Variants in NRIP2 observed in about 807,000 individuals in gnomAD.
NRIP2 encodes nuclear receptor-interacting protein 2.
Under a neutral mutation model 34.1 loss-of-function variants are expected in NRIP2, and 27 were observed. The ratio of observed to expected loss-of-function variants is 0.79; its 90% confidence interval spans 0.58 to 1.09. The LOEUF (loss-of-function observed/expected upper bound fraction) is 1.09, where lower values mean the gene tolerates loss of function less well. Ranked by LOEUF, NRIP2 falls within the 50% of genes least tolerant of loss-of-function variation. The pLI is 0.00. For missense variants in NRIP2, 385 were observed against 352.6 expected (o/e 1.09, Z -0.74); for synonymous variants, 145 against 146.9 (o/e 0.99, Z 0.09).
chr12:2,826,312 T>C lies in NRIP2; in HGVS notation c.*895A>G, dbSNP rs1006752679. On this transcript the variant is annotated 3_prime_UTR_variant, in exon 6 of 6. Coordinates refer to ENST00000337508, the MANE Select transcript of NRIP2 (RefSeq NM_031474.3). Reference sequence around the variant, plus strand: ...AAGCTTAAGCTCAAGAGGCCAGAGATGGGGATAGGAAGAAGGCCTAATGAG... The same window carrying C: ...AAGCTTAAGCTCAAGAGGCCAGAGACGGGGATAGGAAGAAGGCCTAATGAG... 3 of 151,298 alleles carry C rather than the reference T, an allele frequency of 2.0e-5. No individual in the cohort carries two copies. The highest frequency in any genetic ancestry group is 2.9e-5 in the Non-Finnish European group (2 of 67,926). The allele number at this position is 151,298 out of a possible 1,614,324, so 9.4% of individuals were successfully genotyped here.
In NRIP2 at chr12:2,827,737, C is replaced by T. The variant is rs1472827729; in HGVS notation, c.701-60G>A. 1 of 1,612,314 alleles carries T rather than the reference C, an allele frequency of 6.2e-7. No homozygotes were observed. Among genetic ancestry groups the T allele is most frequent in the Non-Finnish European group, 8.5e-7 (1 of 1,179,652 alleles). On this transcript the variant is annotated intron_variant, in intron 4 of 5. Coordinates refer to ENST00000337508, the MANE Select transcript of NRIP2 (RefSeq NM_031474.3). The surrounding 1 kb of genome is among the most constrained non-coding windows in gnomAD (Gnocchi z 4.0). ...GGTTCCCAGTGGTCACTGCTGCCCTCCTCTTAGCCGTTGCTCCTTCTCTGC... is the reference window on the plus strand; with the variant it reads ...GGTTCCCAGTGGTCACTGCTGCCCTTCTCTTAGCCGTTGCTCCTTCTCTGC...
chr12:2,833,647 A>G (rs751568752), intron 1 of NRIP2, among the ~76,000 whole-genome samples: 4 of 152,120 alleles, frequency 2.6e-5, no homozygotes, highest in Non-Finnish European at 5.9e-5. Flanking sequence ...AGTGCTCCCA[A>G]GCCTTTCTAC....
intron 2 of NRIP2, among the ~76,000 whole-genome samples, chr12:2,829,014 AC>A (rs1175628031): frequency 6.6e-6 from 1 of 152,106 alleles, no homozygotes; most frequent in African/African-American, 2.4e-5. Context: ...AGCCTAGGCA[AC>A]ATAGCAAGAC....
In NRIP2 at chr12:2,829,353, A is replaced by C. The variant is rs181631752; in HGVS notation, c.496-939T>G. Among the ~76,000 whole-genome samples the C allele has an allele frequency of 2.6e-5, 4 of 152,388 alleles. No individual in the cohort carries two copies. The East Asian group carries it at 7.7e-4, about 29-fold the overall frequency. ...CACACATCGTTTTCTCATTCCAAAC[A>C]TTCATTGAGTATTTACTATAAGATA... On this transcript the variant is annotated intron_variant, in intron 2 of 5. Transcript: ENST00000337508.
At position 2,826,797 on chromosome 12, in the gene NRIP2, T is replaced by TAGATCTC; in HGVS notation, c.*409_*410insGAGATCT. ...GGGAGATAATGAGGCCCAGAAGGTG[T>TAGATCTC]GGTGAGAGACATGGTGGTGTGGGAA... On this transcript the variant is annotated 3_prime_UTR_variant, in exon 6 of 6. Transcript: ENST00000337508. 2 of 237,176 alleles carry TAGATCTC rather than the reference T, an allele frequency of 8.4e-6. No individual in the cohort carries two copies. Among genetic ancestry groups the TAGATCTC allele is most frequent in the South Asian group, 5.2e-5 (1 of 19,126 alleles). The allele number at this position is 237,176 out of a possible 1,614,324, so 14.7% of individuals were successfully genotyped here.
chr12:2,830,791 G>T lies in NRIP2; in HGVS notation c.412C>A (p.Arg138=), dbSNP rs768143956. 2.8e-5 allele frequency: 45 copies of T among 1,613,626 alleles called. No homozygotes were observed. Among genetic ancestry groups the T allele is most frequent in the Non-Finnish European group, 3.6e-5 (42 of 1,179,826 alleles). The change falls in exon 2 of 6, where the codon CGG becomes AGG. Residue 138 remains arginine, a synonymous_variant. Transcript: ENST00000337508. ...TGGCCATGAATCAGGTCCTGCATCC[G>T]GGGAGGCTCCCCCTGAAGCCAATTC... ...NPNWLQGEPP[R]MQDLIHGQES...
chr12:2,828,651 C>G (rs1411841838), intron 2 of NRIP2, among the ~76,000 whole-genome samples: 2 of 151,884 alleles, frequency 1.3e-5, no homozygotes, highest in African/African-American at 2.4e-5. Context: ...ACCAGCCTGA[C>G]CAGGGTTTAG....
intron 1 of NRIP2, among the ~76,000 whole-genome samples, chr12:2,833,103 A>G (rs1186527644): frequency 6.6e-6 from 1 of 151,994 alleles, no homozygotes; most frequent in Non-Finnish European, 1.5e-5. Flanking sequence ...TCCCAGAGCC[A>G]TAGGAGGTAA....
chr12:2,828,770 A>G (rs1412000417), intron 2 of NRIP2, among the ~76,000 whole-genome samples: 2 of 152,202 alleles, frequency 1.3e-5, no homozygotes, highest in Admixed American at 6.5e-5. Context: ...TGAACCCGAG[A>G]GGCGGAGGTT....
In NRIP2 at chr12:2,827,142, C is replaced by T. The variant is rs963682706; in HGVS notation, c.*65G>A. On this transcript the variant is annotated 3_prime_UTR_variant, in exon 6 of 6. Coordinates refer to ENST00000337508, the MANE Select transcript of NRIP2 (RefSeq NM_031474.3). The surrounding 1 kb of genome is among the most constrained non-coding windows in gnomAD (Gnocchi z 4.0). ...CCAGCTACCTGGCTTCAAGAGCCCC[C>T]GTTCCCCACACGCCTCTTCTTCTAA... 26 of 1,608,616 alleles carry T rather than the reference C, an allele frequency of 1.6e-5. No individual in the cohort carries two copies. The highest frequency in any genetic ancestry group is 6.7e-5 in the East Asian group (3 of 44,692).
intron 1 of NRIP2, among the ~76,000 whole-genome samples, chr12:2,831,696 T>G (rs1362484084): frequency 6.6e-6 from 1 of 152,192 alleles, no homozygotes. Context: ...TCCCAAATTC[T>G]ATAAGTTTTG....
chr12:2,830,481 A>G, intron 2 of NRIP2: 1 of 484,216 alleles, frequency 2.1e-6, no homozygotes, highest in Non-Finnish European at 3.6e-6. Context: ...TATTTTGACC[A>G]AGGAAGGGGG....
Position 2,827,413 on chromosome 12 carries a change from C to A in NRIP2, c.754-114G>T. 6.6e-7 allele frequency: 1 copy of A among 1,519,364 alleles called. No individual in the cohort carries two copies. Among genetic ancestry groups the A allele is most frequent in the Non-Finnish European group, 8.8e-7 (1 of 1,141,028 alleles). 94.1% of individuals were successfully genotyped at this position (1,519,364 alleles called of 1,614,324 possible). A position where few individuals can be genotyped will look rare whatever the true frequency, so the allele number is the denominator to read the frequency against. ...CAGCTTCCACCTGCCTTTTGCTCTT[C>A]CCCCATCCCCATTTCCCTAGACTCC... On this transcript the variant is annotated intron_variant, in intron 5 of 5. Transcript: ENST00000337508. The surrounding 1 kb of genome is among the most constrained non-coding windows in gnomAD (Gnocchi z 4.0).
rs535588960 is a variant in NRIP2, at chr12:2,826,396, C to A, written c.*811G>T. ...ATAGGTGAAGTCTGAGTGGTGACAACCTCACTGTCCTGTCTGCCTCACAGG... is the reference window on the plus strand; with the variant it reads ...ATAGGTGAAGTCTGAGTGGTGACAAACTCACTGTCCTGTCTGCCTCACAGG... On this transcript the variant is annotated 3_prime_UTR_variant, in exon 6 of 6. Coordinates refer to ENST00000337508, the MANE Select transcript of NRIP2 (RefSeq NM_031474.3). 6.6e-6 allele frequency: 1 copy of A among 152,032 alleles called. No homozygotes were observed. Among genetic ancestry groups the A allele is most frequent in the East Asian group, 1.9e-4 (1 of 5,162 alleles). 9.4% of individuals were successfully genotyped at this position (152,032 alleles called of 1,614,324 possible).
intron 1 of NRIP2, among the ~76,000 whole-genome samples, chr12:2,833,809 C>T (rs1250538545): frequency 1.3e-5 from 2 of 152,214 alleles, no homozygotes; most frequent in Non-Finnish European, 2.9e-5. Context: ...TCTAACAACT[C>T]TCCCAACAAT....
In NRIP2 at chr12:2,827,718, C is replaced by T. The variant is rs1046901136; in HGVS notation, c.701-41G>A. 1.1e-5 allele frequency: 17 copies of T among 1,613,182 alleles called. No individual in the cohort carries two copies. The highest frequency in any genetic ancestry group is 1.4e-5 in the Non-Finnish European group (17 of 1,179,960). ...GAAAACAGAAGAGGCTGAGGGTTCC[C>T]AGTGGTCACTGCTGCCCTCCTCTTA... On this transcript the variant is annotated intron_variant, in intron 4 of 5. Transcript: ENST00000337508. This position sits in a 1 kb window ranked among gnomAD's most constrained non-coding sequence, Gnocchi z 4.0.
intron 1 of NRIP2, among the ~76,000 whole-genome samples, chr12:2,834,295 A>G (rs2098017423): frequency 1.3e-5 from 2 of 152,200 alleles, no homozygotes; most frequent in South Asian, 4.1e-4. Flanking sequence ...TAAACTGGCC[A>G]GTCCTCCAGG....
chr12:2,831,482 G>A, intron 1 of NRIP2, among the ~76,000 whole-genome samples: 1 of 151,916 alleles, frequency 6.6e-6, no homozygotes, highest in Non-Finnish European at 1.5e-5. Flanking sequence ...TACTCGGGAG[G>A]CTGAAGTGTG....
At position 2,827,293 on chromosome 12, in the gene NRIP2, T is replaced by C. The variant is rs147812548; in HGVS notation, c.760A>G (p.Ile254Val). 2 of 1,613,696 alleles carry C rather than the reference T, an allele frequency of 1.2e-6. No homozygotes were observed. The highest frequency in any genetic ancestry group is 2.7e-5 in the African/African-American group (2 of 75,072). ...CGCAGCACTCCGTGCTCCAGGTCGATGCAGCACTGCGGGGTGTAGAGCAGT... is the reference window on the plus strand; with the variant it reads ...CGCAGCACTCCGTGCTCCAGGTCGACGCAGCACTGCGGGGTGTAGAGCAGT... ...LQTLLSLKCC[I>V]DLEHGVLRLK... The change falls in exon 6 of 6, where the codon ATC becomes GTC. Residue 254 changes from isoleucine to valine, a missense_variant. By Grantham distance (29) the Ile-to-Val change is conservative (BLOSUM62 3). Transcript: ENST00000337508. This position sits in a 1 kb window ranked among gnomAD's most constrained non-coding sequence, Gnocchi z 4.0.
Sources: gnomAD v4.1 joint callset for allele counts (sites outside exome capture counted in the v4.1 genomes callset) on GRCh38, gnomAD v4.1.1 for gene constraint, Gnocchi (gnomAD v3.1) non-coding constraint, MANE v1.5 for transcripts, NCBI Gene and HGNC (gene_info 2026-07-23, HGNC 2026-07-21) for gene names.